Variants in DIAPH3 observed in about 807,000 individuals in gnomAD.
The protein encoded by DIAPH3 is protein diaphanous homolog 3.
In DIAPH3, 117 loss-of-function variants were observed where a neutral mutation model predicts 144.3. That is an observed-to-expected ratio of 0.81 (90% CI 0.70 to 0.95). The LOEUF is 0.95. Ranked by LOEUF, DIAPH3 falls within the 40% of genes least tolerant of loss-of-function variation. The pLI is 0.00. For missense variants in DIAPH3, 1,421 were observed against 1,412.7 expected (o/e 1.01, Z -0.09); for synonymous variants, 519 against 488.9 (o/e 1.06, Z -0.81).
At chr13:59,715,760 C>T (rs1215475550) in intron 27 of DIAPH3, among the ~76,000 whole-genome samples, 1 of 152,184 alleles carries the variant, frequency 6.6e-6, no homozygotes, top group East Asian at 1.9e-4. Context: ...GAACAGGGCA[C>T]ACAATCTTGC....
At chr13:59,930,721 C>A (rs2047980463) in intron 17 of DIAPH3, among the ~76,000 whole-genome samples, 2 of 152,102 alleles carry the variant, frequency 1.3e-5, no homozygotes, top group Non-Finnish European at 2.9e-5. Context: ...GCACATGAGA[C>A]ATCAGGATAA....
At chr13:59,816,923 T>C (rs1302689378) in intron 24 of DIAPH3, among the ~76,000 whole-genome samples, 2 of 152,056 alleles carry the variant, frequency 1.3e-5, no homozygotes, top group African/African-American at 2.4e-5. Flanking sequence ...AAGTCTAATG[T>C]GGGGTATTTT....
chr13:59,994,331 A>G (rs1031797197), intron 9 of DIAPH3, among the ~76,000 whole-genome samples: 1 of 151,954 alleles, frequency 6.6e-6, no homozygotes, highest in Non-Finnish European at 1.5e-5. Flanking sequence ...TAATCAAGGT[A>G]AAGACCAAGG....
chr13:59,694,961 AC>A (rs2033721941), intron 27 of DIAPH3, among the ~76,000 whole-genome samples: 1 of 152,184 alleles, frequency 6.6e-6, no homozygotes, highest in African/African-American at 2.4e-5. Flanking sequence ...TGTTAGTAAA[AC>A]CCTCATGTAA....
At chr13:59,667,388 T>C (rs575412190) in intron 27 of DIAPH3, among the ~76,000 whole-genome samples, 6 of 152,206 alleles carry the variant, frequency 3.9e-5, no homozygotes, top group Non-Finnish European at 8.8e-5. Context: ...ATGGCCCTGG[T>C]GCAAAGTAGG....
intron 2 of DIAPH3, among the ~76,000 whole-genome samples, chr13:60,116,638 G>A (rs1375612517): frequency 6.6e-6 from 1 of 150,738 alleles, no homozygotes; most frequent in Non-Finnish European, 1.5e-5. Context: ...AACTTATAAT[G>A]AAGTGAAATT....
At chr13:59,834,917 T>C (rs978581465) in intron 23 of DIAPH3, among the ~76,000 whole-genome samples, 2 of 151,744 alleles carry the variant, frequency 1.3e-5, no homozygotes, top group African/African-American at 4.8e-5. Context: ...ATTTGAGAGG[T>C]AGATAACAAC....
At chr13:59,885,448 TAAA>T (rs67977635) in intron 20 of DIAPH3, among the ~76,000 whole-genome samples, 3 of 93,064 alleles carry the variant, frequency 3.2e-5, no homozygotes, top group Admixed American at 1.3e-4. Flanking sequence ...CTTCTTTCAC[TAAA>T]AAAAAAAAAA....
chr13:59,946,575 A>G (rs2048806877), intron 17 of DIAPH3, among the ~76,000 whole-genome samples: 1 of 152,216 alleles, frequency 6.6e-6, no homozygotes, highest in Admixed American at 6.5e-5. Flanking sequence ...ACACAAATAA[A>G]CAAATGCTAA....
chr13:60,011,345 T>C (rs908969091), intron 7 of DIAPH3, among the ~76,000 whole-genome samples: 2 of 152,132 alleles, frequency 1.3e-5, no homozygotes, highest in African/African-American at 4.8e-5. Flanking sequence ...TGAAAATCTT[T>C]TTCCTGGGAA....
intron 17 of DIAPH3, among the ~76,000 whole-genome samples, chr13:59,939,652 G>A (rs775966469): frequency 5.3e-5 from 8 of 152,126 alleles, no homozygotes; most frequent in Non-Finnish European, 1.2e-4. Flanking sequence ...CCCAGGACCA[G>A]AGACCAGGGA....
intron 9 of DIAPH3, among the ~76,000 whole-genome samples, chr13:59,996,322 A>G (rs2052187031): frequency 6.6e-6 from 1 of 152,100 alleles, no homozygotes; most frequent in Admixed American, 6.6e-5. Context: ...TTGTTTTTAA[A>G]AAGTCTATGT....
At chr13:59,748,571 C>A (rs1208930943) in intron 27 of DIAPH3, among the ~76,000 whole-genome samples, 3 of 152,112 alleles carry the variant, frequency 2.0e-5, no homozygotes, top group Non-Finnish European at 4.4e-5. Context: ...AATTAGAATC[C>A]TCCTAACTTG....
intron 17 of DIAPH3, among the ~76,000 whole-genome samples, chr13:59,938,158 T>C (rs2048350575): frequency 6.6e-6 from 1 of 152,220 alleles, no homozygotes; most frequent in South Asian, 2.1e-4. Context: ...GTTCCATTAT[T>C]TGCCTGATCT....
Position 60,010,671 on chromosome 13 carries a change from T to C in DIAPH3, c.772-2A>G, listed in dbSNP as rs775969695. On this transcript the variant is annotated splice_acceptor_variant, in intron 7 of 27. Coordinates refer to ENST00000400324, the MANE Select transcript of DIAPH3 (RefSeq NM_001042517.2). LOFTEE classifies it high-confidence loss of function. ...ACTCATAATTCTTTCCAAGCCATAC[T>C]ATAATATTTTGAAAATAAGAGGTCA... 2.5e-6 allele frequency: 4 copies of C among 1,613,248 alleles called. No individual in the cohort carries two copies. Among genetic ancestry groups the C allele is most frequent in the Admixed American group, 1.7e-5 (1 of 59,970 alleles).
At chr13:59,858,704 C>T (rs2043399128) in intron 22 of DIAPH3, among the ~76,000 whole-genome samples, 1 of 151,996 alleles carries the variant, frequency 6.6e-6, no homozygotes, top group African/African-American at 2.4e-5. Flanking sequence ...ATTTTAACTG[C>T]TTAGACAAGG....
chr13:59,778,951 A>T (rs1266537311), intron 25 of DIAPH3, among the ~76,000 whole-genome samples: 2 of 152,018 alleles, frequency 1.3e-5, no homozygotes, highest in Non-Finnish European at 2.9e-5. Flanking sequence ...TTTTTGCTCA[A>T]ATGGATTTTG....
chr13:59,861,393 A>T lies in DIAPH3; in HGVS notation c.2737+14T>A, dbSNP rs2043575159. 6.2e-7 allele frequency: 1 copy of T among 1,613,566 alleles called. No homozygotes were observed. Among genetic ancestry groups the T allele is most frequent in the Admixed American group, 1.7e-5 (1 of 60,018 alleles). The stretch of plus-strand genomic sequence containing the variant: ...AGATCAGAGCCATGAAATGTTTCTT[A>T]AAAAGGCACAAACCTTTACTAGCTT... On this transcript the variant is annotated intron_variant, in intron 22 of 27. Coordinates refer to ENST00000400324, the MANE Select transcript of DIAPH3 (RefSeq NM_001042517.2).
intron 4 of DIAPH3, among the ~76,000 whole-genome samples, chr13:60,052,239 C>CAATGGGATTGCAAAATTCTTA (rs1594520281): frequency 6.6e-6 from 1 of 152,066 alleles, no homozygotes; most frequent in Non-Finnish European, 1.5e-5. Context: ...TCAGAATTGC[C>CAATGGGATTGCAAAATTCTTA]AATGGGATTG....
Sources: gnomAD v4.1 joint callset for allele counts (sites outside exome capture counted in the v4.1 genomes callset) on GRCh38, gnomAD v4.1.1 for gene constraint, MANE v1.5 for transcripts, NCBI Gene and HGNC (gene_info 2026-07-23, HGNC 2026-07-21) for gene names.